The following ACACA variants were observed in gnomAD, a reference collection of about 807,000 sequenced individuals.
ACACA encodes the protein acetyl-CoA carboxylase alpha, also known as acetyl-CoA carboxylase 1.
Under a neutral mutation model 296.1 loss-of-function variants are expected in ACACA, and 103 were observed. That is an observed-to-expected ratio of 0.35 (90% confidence interval 0.30 to 0.41). ACACA has a LOEUF of 0.41. ACACA is among the 10% of genes least tolerant of loss of function. The pLI is 1.00. For synonymous variants in ACACA, 953 were observed against 1,038.6 expected (o/e 0.92, Z 1.58); for missense variants, 1,554 against 2,989.7 (o/e 0.52, Z 11.20).
intron 33 of ACACA, among the ~76,000 whole-genome samples, chr17:37,201,227 C>T (rs1023005637): frequency 6.6e-6 from 1 of 152,194 alleles, no homozygotes; most frequent in South Asian, 2.1e-4. Context: ...TCACTTGAGG[C>T]CGGGAGTTTG....
intron 3 of ACACA, among the ~76,000 whole-genome samples, chr17:37,297,573 G>A (rs150407981): frequency 0.012 from 1,732 of 148,708 alleles, 38 homozygotes; most frequent in African/African-American, 0.039. Flanking sequence ...ATGGAGTTTC[G>A]CTCTTGTCAC....
At chr17:37,299,684 T>G in intron 3 of ACACA, 1 of 1,034,714 alleles carries the variant, frequency 9.7e-7, no homozygotes, top group Non-Finnish European at 1.2e-6. Context: ...GCAGCTCTCC[T>G]TTAGTTGCAG....
chr17:37,193,684 T>C (rs1250047395), intron 35 of ACACA, among the ~76,000 whole-genome samples: 2 of 152,120 alleles, frequency 1.3e-5, no homozygotes, highest in South Asian at 4.1e-4. Flanking sequence ...ATTTTTTAAA[T>C]CTCCCAAGTG....
intron 42 of ACACA, among the ~76,000 whole-genome samples, chr17:37,158,438 T>G (rs552740158): frequency 1.5e-4 from 23 of 152,202 alleles, no homozygotes; most frequent in Non-Finnish European, 2.9e-4. Flanking sequence ...GAGACCAGCC[T>G]GGGCAACGTG....
At chr17:37,273,994 C>T (rs570482017) in intron 9 of ACACA, among the ~76,000 whole-genome samples, 199 bp downstream of exon 9, 14 of 152,300 alleles carry the variant, frequency 9.2e-5, no homozygotes, top group African/African-American at 3.4e-4. Context: ...GTCACTTCCT[C>T]AATCTGTACT....
intron 25 of ACACA, among the ~76,000 whole-genome samples, chr17:37,227,588 G>A (rs1368410151): frequency 6.6e-6 from 1 of 152,070 alleles, no homozygotes; most frequent in Non-Finnish European, 1.5e-5. Flanking sequence ...AAATTTTTAG[G>A]CCGGGCGCTG....
chr17:37,104,997 G>C (rs966895800), intron 52 of ACACA, among the ~76,000 whole-genome samples: 3 of 148,450 alleles, frequency 2.0e-5, no homozygotes, highest in Non-Finnish European at 3.0e-5. Flanking sequence ...GGAAACGGCT[G>C]ATTTCTGCAG....
rs138288798 is a variant in ACACA at position 37,168,329 on chromosome 17, T to C, written c.5080-6279A>G. On this transcript the variant is annotated intron_variant, in intron 41 of 55. Transcript: ENST00000616317. ...CAAAATGAGGTGATAATTATTGGGATGATGAAATTGTATTTTTTTTCCATT... is the reference window on the plus strand; with the variant it reads ...CAAAATGAGGTGATAATTATTGGGACGATGAAATTGTATTTTTTTTCCATT... Among the ~76,000 whole-genome samples, 1,318 of 152,322 alleles carry C rather than the reference T, an allele frequency of 8.7e-3. 9 individuals are homozygous for C. Among genetic ancestry groups the C allele is most frequent in the Middle Eastern group, 0.027 (8 of 294 alleles).
chr17:37,366,505 G>A (rs2147647025), intron 1 of ACACA, among the ~76,000 whole-genome samples: 1 of 143,478 alleles, frequency 7.0e-6, no homozygotes, highest in East Asian at 2.1e-4. Flanking sequence ...GTCTCACTCT[G>A]TCACCCAGGC....
chr17:37,360,909 C>T (rs2049379439), intron 1 of ACACA, among the ~76,000 whole-genome samples: 1 of 152,092 alleles, frequency 6.6e-6, no homozygotes, highest in Non-Finnish European at 1.5e-5. Context: ...CTTGCCTTTC[C>T]ATAACAGCAG....
Position 37,155,680 on chromosome 17 carries a change from T to G in ACACA, c.5447+3A>C, listed in dbSNP as rs1396052735. 3.1e-6 allele frequency: 5 copies of G among 1,590,766 alleles called. No individual in the cohort carries two copies. The African/African-American group carries it at 6.7e-5, about 21-fold the overall frequency. On this transcript the variant is annotated splice_donor_region_variant and intron_variant, in intron 43 of 55. Transcript: ENST00000616317. ...CAAATTATTCCAATACATATATACCTACCTGGATTCTCCTTCATCTTCCAC... is the reference window on the plus strand; with the variant it reads ...CAAATTATTCCAATACATATATACCGACCTGGATTCTCCTTCATCTTCCAC...
chr17:37,371,174 C>T (rs559836792), intron 1 of ACACA, among the ~76,000 whole-genome samples: 10 of 151,806 alleles, frequency 6.6e-5, no homozygotes, highest in African/African-American at 2.2e-4. Context: ...CCACCTCCCG[C>T]GTTCAAGTGA....
At position 37,206,871 on chromosome 17, in the gene ACACA, T is replaced by C; in HGVS notation, c.3860A>G (p.Asp1287Gly). 1.2e-6 allele frequency: 2 copies of C among 1,612,950 alleles called. No homozygotes were observed. Among genetic ancestry groups the C allele is most frequent in the Non-Finnish European group, 8.5e-7 (1 of 1,179,000 alleles). The change falls in exon 32 of 56, where the codon GAT becomes GGT. Residue 1287 changes from aspartate (D) to glycine (G), a missense_variant. Physicochemically the swap from Asp to Gly is moderately conservative, Grantham distance 94. Transcript: ENST00000616317. The stretch of plus-strand genomic sequence containing the variant: ...GTCAGAGAAGCAGCCCATCACTTCA[T>C]CAAAGATCCTAAAAAATACAAGAGA... The part of the protein sequence containing the change: ...RTFEDFVRIF[D>G]EVMGCFSDSP...
rs191127354 is a variant in ACACA at position 37,196,688 on chromosome 17, C to T, written c.4159-3273G>A. 2.0e-5 allele frequency among the ~76,000 whole-genome samples: 3 copies of T among 151,378 alleles called. No homozygotes were observed. The East Asian group carries it at 5.8e-4, about 29-fold the overall frequency. On this transcript the variant is annotated intron_variant, in intron 35 of 55. Coordinates refer to ENST00000616317, the MANE Select transcript of ACACA (RefSeq NM_198834.3). Reference sequence around the variant, plus strand: ...ACTTTCTGCTAAATATTTTGGAATTCCAGACCTAAAATGTGAGTGAAACTA... The same window carrying T: ...ACTTTCTGCTAAATATTTTGGAATTTCAGACCTAAAATGTGAGTGAAACTA...
intron 45 of ACACA, among the ~76,000 whole-genome samples, chr17:37,135,830 TCACTCACC>T (rs1220351337): frequency 6.6e-6 from 1 of 151,920 alleles, no homozygotes; most frequent in Non-Finnish European, 1.5e-5. Context: ...CCAAAAGTAA[TCACTCACC>T]CTAGGGGGAC....
intron 1 of ACACA, among the ~76,000 whole-genome samples, chr17:37,352,700 AGTGAGG>A (rs2048962436): frequency 5.9e-5 from 9 of 152,132 alleles, no homozygotes; most frequent in African/African-American, 2.2e-4. Context: ...AGCACACTCC[AGTGAGG>A]GTGACAGAGT....
chr17:37,207,838 G>A (rs900285623), intron 30 of ACACA, 38 bp from the exon 31 acceptor site: 2 of 1,609,642 alleles, frequency 1.2e-6, no homozygotes, highest in African/African-American at 2.7e-5. Context: ...AGACAAGGAG[G>A]GTAGGAGCAA....
chr17:37,153,633 G>T (rs1376633898), intron 43 of ACACA, among the ~76,000 whole-genome samples: 1 of 152,080 alleles, frequency 6.6e-6, no homozygotes, highest in Non-Finnish European at 1.5e-5. Context: ...AATTATTTAA[G>T]AATAAATTTT....
At chr17:37,200,213 A>G (rs774551640) in intron 34 of ACACA, 30 bp from the exon 35 acceptor site, 54 of 1,580,246 alleles carry the variant, frequency 3.4e-5, no homozygotes, top group Non-Finnish European at 4.5e-5. Flanking sequence ...AAGGAAGGAA[A>G]GACAGCAGAA....
Sources: allele counts gnomAD v4.1 joint callset (sites outside exome capture counted in the v4.1 genomes callset), GRCh38; gene constraint gnomAD v4.1.1; transcripts MANE v1.5; gene names NCBI Gene and HGNC (gene_info 2026-07-23, HGNC 2026-07-21).